The following PEX5L variants were observed in gnomAD, a reference collection of about 807,000 sequenced individuals.
PEX5L encodes the protein PEX5-related protein.
PEX5L carries 30 observed loss-of-function variants against 84.0 expected under a neutral mutation model. That is an observed-to-expected ratio of 0.36 (90% confidence interval 0.27 to 0.48). The LOEUF (loss-of-function observed/expected upper bound fraction) is 0.48. Ranked by LOEUF, PEX5L falls within the 20% of genes least tolerant of loss-of-function variation. PEX5L has a pLI of 0.99. For synonymous variants in PEX5L, 270 were observed against 283.1 expected, an observed-to-expected ratio of 0.95 and a Z score of 0.46; for missense variants, 533 against 754.6, an observed-to-expected ratio of 0.71 and a Z score of 3.44.
intron 8 of PEX5L, among the ~76,000 whole-genome samples, chr3:179,834,939 T>A (rs1397026863): frequency 6.6e-6 from 1 of 152,176 alleles, no homozygotes; most frequent in Non-Finnish European, 1.5e-5. Flanking sequence ...ACGGCTGATT[T>A]CCTCGTAAGA....
At chr3:179,981,450 G>T (rs889295737) in intron 1 of PEX5L, among the ~76,000 whole-genome samples, 6 of 152,090 alleles carry the variant, frequency 3.9e-5, no homozygotes, top group African/African-American at 9.7e-5. Flanking sequence ...CTGTTTAGAC[G>T]CTGGTTGACA....
rs888646098 is a variant in PEX5L at position 179,861,532 on chromosome 3, G to A, written c.727-2375C>T. ...GTGTCTGTGGTCAGAAGAGGGAAGG[G>A]TGGCGGGGTACCTCTGGGCTTGCAG... is the stretch of plus-strand genomic sequence containing the variant. On this transcript the variant is annotated intron_variant, in intron 7 of 14. Transcript: ENST00000467460. Among the ~76,000 whole-genome samples, 3 of 152,228 alleles carry A rather than the reference G, an allele frequency of 2.0e-5. No homozygotes were observed. The East Asian group carries it at 5.8e-4, about 29-fold the overall frequency.
chr3:179,809,847 T>A (rs576795240), intron 11 of PEX5L, among the ~76,000 whole-genome samples, 179 bp from the exon 12 acceptor site: 1 of 152,142 alleles, frequency 6.6e-6, no homozygotes, highest in South Asian at 2.1e-4. Context: ...CTCAGCATAT[T>A]TTTAAGAAAG....
chr3:179,890,771 T>C (rs891200867), intron 3 of PEX5L, among the ~76,000 whole-genome samples: 1 of 152,166 alleles, frequency 6.6e-6, no homozygotes, highest in South Asian at 2.1e-4. Flanking sequence ...ACATTACCTA[T>C]AGTTTTGGAA....
intron 1 of PEX5L, among the ~76,000 whole-genome samples, chr3:180,027,542 T>C (rs560154105): frequency 6.6e-6 from 1 of 152,080 alleles, no homozygotes; most frequent in African/African-American, 2.4e-5. Flanking sequence ...TTATTAAATA[T>C]ACACACCATG....
chr3:179,917,888 A>G (rs1170170628), intron 2 of PEX5L, among the ~76,000 whole-genome samples: 1 of 152,128 alleles, frequency 6.6e-6, no homozygotes, highest in Non-Finnish European at 1.5e-5. Flanking sequence ...TGAACTCCCG[A>G]CCTCAGGTGA....
chr3:179,812,168 A>G (rs1269355877), intron 10 of PEX5L, among the ~76,000 whole-genome samples: 1 of 152,194 alleles, frequency 6.6e-6, no homozygotes, highest in East Asian at 1.9e-4. Flanking sequence ...TCTTAAAACC[A>G]AAGGATAAAT....
intron 2 of PEX5L, among the ~76,000 whole-genome samples, chr3:179,934,189 G>A (rs532926276): frequency 6.6e-6 from 1 of 152,128 alleles, no homozygotes; most frequent in East Asian, 1.9e-4. Flanking sequence ...TACTCTGGAG[G>A]ATATCTTATA....
intron 2 of PEX5L, among the ~76,000 whole-genome samples, chr3:179,924,297 G>A (rs1770735270): frequency 6.6e-6 from 1 of 152,044 alleles, no homozygotes; most frequent in Admixed American, 6.5e-5. Context: ...AGTTATTTAT[G>A]GGCATGCCAT....
intron 8 of PEX5L, among the ~76,000 whole-genome samples, chr3:179,824,234 A>T (rs2109010843): frequency 6.6e-6 from 1 of 152,358 alleles, no homozygotes; most frequent in Middle Eastern, 3.4e-3. Context: ...AGTTAGAAAG[A>T]TCCTGGGGTT....
chr3:179,879,982 G>A lies in PEX5L; in HGVS notation c.452C>T (p.Ala151Val), dbSNP rs1253143432. The A allele has an allele frequency of 3.1e-6, 5 of 1,612,954 alleles. No homozygotes were observed. Among genetic ancestry groups the A allele is most frequent in the Non-Finnish European group, 4.2e-6 (5 of 1,179,616 alleles). The change falls in exon 5 of 15, where the codon GCT becomes GTT. Residue 151 changes from alanine to valine, a missense_variant. By Grantham distance (64) the Ala-to-Val change is moderately conservative. This residue lies in a region of PEX5L where 259 missense variants were observed against 301.7 expected (regional missense o/e 0.86). Coordinates refer to ENST00000467460, the MANE Select transcript of PEX5L (RefSeq NM_016559.3). ...ADGSDLISTD[A>V]EQRGQPLRVP... ...TCTGAGAGGCTGGCCTCTCTGCTCA[G>A]CATCCGTGCTGATGAGGTCAGATCC...
chr3:179,990,947 A>G (rs1787325435), intron 1 of PEX5L, among the ~76,000 whole-genome samples: 1 of 152,170 alleles, frequency 6.6e-6, no homozygotes, highest in African/African-American at 2.4e-5. Flanking sequence ...CTGTTTATAT[A>G]ATTCCTATCC....
At position 179,916,117 on chromosome 3, in the gene PEX5L, C is replaced by T. The variant is rs538863218; in HGVS notation, c.94-17871G>A. ...ATCTAAAATATGCCAGGTGTTGTGC[C>T]ATATACTTCATACATATATATTTTG... is the stretch of plus-strand genomic sequence containing the variant. On this transcript the variant is annotated intron_variant, in intron 2 of 14. Transcript: ENST00000467460. 2.7e-3 allele frequency among the ~76,000 whole-genome samples: 416 copies of T among 152,190 alleles called. 6 individuals carry two copies. Among genetic ancestry groups the T allele is most frequent in the African/African-American group, 9.4e-3 (392 of 41,526 alleles).
At chr3:179,924,983 G>T (rs1770997362) in intron 2 of PEX5L, among the ~76,000 whole-genome samples, 1 of 152,074 alleles carries the variant, frequency 6.6e-6, no homozygotes, top group South Asian at 2.1e-4. Flanking sequence ...AGACATTTCA[G>T]CTCTCTTTCT....
chr3:180,000,883 T>C (rs1788338045), intron 1 of PEX5L, among the ~76,000 whole-genome samples: 1 of 152,132 alleles, frequency 6.6e-6, no homozygotes, highest in Admixed American at 6.5e-5. Flanking sequence ...TTATGTGTGA[T>C]CTCAGGAGAT....
At position 179,865,718 on chromosome 3, in the gene PEX5L, T is replaced by C. The variant is rs181122112; in HGVS notation, c.727-6561A>G. Among the ~76,000 whole-genome samples the C allele has an allele frequency of 4.9e-3, 748 of 152,284 alleles. 28 individuals are homozygous for C. Among genetic ancestry groups the C allele is most frequent in the Admixed American group, 0.038 (585 of 15,274 alleles). On this transcript the variant is annotated intron_variant, in intron 7 of 14. Coordinates refer to ENST00000467460, the MANE Select transcript of PEX5L (RefSeq NM_016559.3). ...AAACCTTTGTGGGCACTGGAATCAC[T>C]GGAAGGCCTTGTTAAAATGCAGATT...
intron 11 of PEX5L, among the ~76,000 whole-genome samples, chr3:179,809,935 A>G (rs1723072166): frequency 6.6e-6 from 1 of 150,380 alleles, no homozygotes; most frequent in African/African-American, 2.4e-5. Flanking sequence ...ATCCCTGCAC[A>G]TGATTTATTA....
At chr3:179,897,881 C>T (rs1452086984) in intron 3 of PEX5L, among the ~76,000 whole-genome samples, 1 of 151,930 alleles carries the variant, frequency 6.6e-6, no homozygotes, top group African/African-American at 2.4e-5. Context: ...ACATGTTTTA[C>T]TTGCACATAT....
At chr3:179,933,560 G>A (rs759457046) in intron 2 of PEX5L, among the ~76,000 whole-genome samples, 7 of 152,074 alleles carry the variant, frequency 4.6e-5, no homozygotes, top group Non-Finnish European at 8.8e-5. Context: ...TCTGAAAATT[G>A]GAACTAGGAA....
Sources: allele counts gnomAD v4.1 joint callset (sites outside exome capture counted in the v4.1 genomes callset), GRCh38; gene constraint gnomAD v4.1.1; regional missense constraint gnomAD v4.1.1; transcripts MANE v1.5; gene names NCBI Gene and HGNC (gene_info 2026-07-23, HGNC 2026-07-21).